Variants in CHODL observed in about 807,000 individuals in gnomAD.
CHODL encodes the protein transmembrane protein MT75.
CHODL carries 29 observed loss-of-function variants against 34.5 expected under a neutral mutation model. That is an observed-to-expected ratio of 0.84 (90% CI 0.63 to 1.15). The LOEUF (loss-of-function observed/expected upper bound fraction) is 1.15. Among genes scored for constraint, CHODL ranks in the 50% most tolerant of loss-of-function variants. The pLI is 0.00. For synonymous variants in CHODL, 125 were observed against 116.1 expected, an observed-to-expected ratio of 1.08 and a Z score of -0.49; for missense variants, 332 against 332.5, an observed-to-expected ratio of 1.00 and a Z score of 0.01.
intron 2 of CHODL, among the ~76,000 whole-genome samples, chr21:18,089,408 T>A (rs2065045236): frequency 6.6e-6 from 1 of 152,196 alleles, no homozygotes; most frequent in African/African-American, 2.4e-5. Context: ...ATTTCTCTTC[T>A]GTTTTTATAG....
intron 2 of CHODL, among the ~76,000 whole-genome samples, chr21:18,170,112 TG>T (rs1462334464): frequency 6.6e-6 from 1 of 152,064 alleles, no homozygotes. Context: ...GGGGCTTTTT[TG>T]GTGCATGTAT....
intron 1 of CHODL, among the ~76,000 whole-genome samples, chr21:17,985,343 A>G (rs917192975): frequency 2.0e-5 from 3 of 152,186 alleles, no homozygotes; most frequent in South Asian, 4.1e-4. Context: ...ACATTGAGTT[A>G]TCTGCTTCTC....
In CHODL at chr21:18,017,813, C is replaced by A. The variant is rs1235320528; in HGVS notation, c.-144-10059C>A. ...ATGATAGATCTACTCACAGCTTGCACCCTGCACCTAGAAAATTCACAGGCA... is the reference window on the plus strand; with the variant it reads ...ATGATAGATCTACTCACAGCTTGCAACCTGCACCTAGAAAATTCACAGGCA... On this transcript the variant is annotated intron_variant, in intron 1 of 6. Coordinates refer to the CHODL transcript ENST00000400127. Among the ~76,000 whole-genome samples, 8 of 152,314 alleles carry A rather than the reference C, an allele frequency of 5.3e-5. No homozygotes were observed. The East Asian group carries it at 1.2e-3, about 22-fold the overall frequency.
intron 2 of CHODL, among the ~76,000 whole-genome samples, chr21:18,161,545 G>C (rs2824667): frequency 0.45 from 68,059 of 151,890 alleles, 17,187 homozygotes; most frequent in Middle Eastern, 0.59. Flanking sequence ...CAGCCAAATG[G>C]AACAACTTTT....
chr21:17,948,513 A>G (rs1314488100), intron 1 of CHODL, among the ~76,000 whole-genome samples: 1 of 152,054 alleles, frequency 6.6e-6, no homozygotes, highest in Non-Finnish European at 1.5e-5. Context: ...GAAAAGATAA[A>G]TTGACATTTA....
At chr21:17,974,853 T>C (rs918201697) in intron 1 of CHODL, among the ~76,000 whole-genome samples, 1 of 150,692 alleles carries the variant, frequency 6.6e-6, no homozygotes, top group Non-Finnish European at 1.5e-5. Flanking sequence ...GTCAGGAGAA[T>C]AGAGATTGCC....
At chr21:18,143,487 T>TA (rs11463145) in intron 2 of CHODL, among the ~76,000 whole-genome samples, 7,643 of 152,148 alleles carry the variant, frequency 0.05, 516 homozygotes, top group African/African-American at 0.16. Context: ...AAATTGTGTT[T>TA]AAAAAGTTTT....
intron 1 of CHODL, among the ~76,000 whole-genome samples, chr21:17,921,267 C>T (rs2063181520): frequency 1.3e-5 from 2 of 152,142 alleles, no homozygotes; most frequent in South Asian, 4.1e-4. Context: ...TTGTTCTATT[C>T]AGGCCTTCAA....
intron 2 of CHODL, among the ~76,000 whole-genome samples, chr21:18,129,027 T>C (rs2072617314): frequency 6.6e-6 from 1 of 152,138 alleles, no homozygotes; most frequent in Non-Finnish European, 1.5e-5. Context: ...ATATAAGATG[T>C]ATGTACTAAG....
rs141246893 is a variant in CHODL at position 18,225,930 on chromosome 21, TG to T, written c.-44-30573del. ...TCTTAAAATATGAATTCTCTAGGTC[TG>T]GGGGGCCTTTATGCTCAAGACTCAT... On this transcript the variant is annotated intron_variant, in intron 2 of 6. Coordinates refer to the CHODL transcript ENST00000400127. 3.8e-3 allele frequency among the ~76,000 whole-genome samples: 571 copies of T among 152,226 alleles called. 1 individual carries two copies. Among genetic ancestry groups the T allele is most frequent in the African/African-American group, 0.013 (540 of 41,546 alleles).
At chr21:17,998,227 C>T (rs1356686649) in intron 1 of CHODL, among the ~76,000 whole-genome samples, 1 of 152,218 alleles carries the variant, frequency 6.6e-6, no homozygotes, top group Non-Finnish European at 1.5e-5. Flanking sequence ...CCTTTGACTT[C>T]AGGTCTCACA....
upstream of CHODL, among the ~76,000 whole-genome samples, chr21:18,241,126 T>A (rs1300245458): frequency 6.6e-6 from 1 of 152,068 alleles, no homozygotes; most frequent in Admixed American, 6.6e-5. Flanking sequence ...CAACTGCTTA[T>A]CCTTACATTT....
chr21:18,235,528 G>C (rs2074021158), intron 2 of CHODL, among the ~76,000 whole-genome samples: 1 of 152,044 alleles, frequency 6.6e-6, no homozygotes, highest in South Asian at 2.1e-4. Context: ...CTTCAGTGAA[G>C]TAATTCCTGT....
In CHODL at chr21:17,938,714, G is replaced by A. The variant is rs369593972; in HGVS notation, c.-145+21314G>A. On this transcript the variant is annotated intron_variant, in intron 1 of 6. Transcript: ENST00000400127. ...AGGATGGTCTCGATCTCCTGACCTC[G>A]TGATCTACCTGCCTGTGCCTCCCAA... is the stretch of plus-strand genomic sequence containing the variant. Among the ~76,000 whole-genome samples, 16 of 152,056 alleles carry A rather than the reference G, an allele frequency of 1.1e-4. No individual in the cohort carries two copies. In the South Asian group the frequency reaches 3.1e-3, roughly 30 times the overall value.
At chr21:18,194,190 A>G (rs1470989606) in intron 2 of CHODL, among the ~76,000 whole-genome samples, 1 of 152,170 alleles carries the variant, frequency 6.6e-6, no homozygotes, top group African/African-American at 2.4e-5. Context: ...GTGAAAAATT[A>G]TCAAAATCTC....
chr21:17,985,667 C>T (rs968156222), intron 1 of CHODL, among the ~76,000 whole-genome samples: 2 of 152,170 alleles, frequency 1.3e-5, no homozygotes, highest in African/African-American at 4.8e-5. Flanking sequence ...ATACTTTCCA[C>T]TTGTCTCCCA....
intron 1 of CHODL, among the ~76,000 whole-genome samples, chr21:18,253,872 G>A (rs748010001): frequency 7.2e-5 from 11 of 152,068 alleles, no homozygotes; most frequent in Admixed American, 2.6e-4. Context: ...TCCAGATCAC[G>A]GTCACGAAAC....
At chr21:17,995,089 A>C (rs901396683) in intron 1 of CHODL, among the ~76,000 whole-genome samples, 7 of 152,120 alleles carry the variant, frequency 4.6e-5, no homozygotes, top group Non-Finnish European at 8.8e-5. Context: ...ATGATGCTGC[A>C]GCCCTCTGGG....
At chr21:18,041,109 T>G (rs1162493344) in intron 2 of CHODL, among the ~76,000 whole-genome samples, 1 of 151,984 alleles carries the variant, frequency 6.6e-6, no homozygotes, top group Admixed American at 6.6e-5. Context: ...TGATGATTTC[T>G]GTAAGCTGAA....
Sources: allele counts gnomAD v4.1 joint callset (sites outside exome capture counted in the v4.1 genomes callset), GRCh38; gene constraint gnomAD v4.1.1; transcripts MANE v1.5; gene names NCBI Gene and HGNC (gene_info 2026-07-23, HGNC 2026-07-21).